The following IMPG2 variants were observed in gnomAD, a reference collection of about 807,000 sequenced individuals.
IMPG2 encodes the protein IPM 200.
IMPG2 carries 91 observed loss-of-function variants against 129.2 expected under a neutral mutation model. The observed-to-expected ratio is 0.70, with a 90% CI of 0.59 to 0.84. The LOEUF (loss-of-function observed/expected upper bound fraction) is 0.84. Ranked by LOEUF, IMPG2 falls within the 40% of genes least tolerant of loss-of-function variation. The pLI is 0.00. For missense variants in IMPG2, 1,430 were observed against 1,461.7 expected, an observed-to-expected ratio of 0.98 and a Z score of 0.35; for synonymous variants, 510 against 517.7, an observed-to-expected ratio of 0.99 and a Z score of 0.20.
At chr3:101,307,197 C>A (rs1158757452) in intron 2 of IMPG2, among the ~76,000 whole-genome samples, 1 of 152,110 alleles carries the variant, frequency 6.6e-6, no homozygotes, top group Non-Finnish European at 1.5e-5. Flanking sequence ...ACACACAAAC[C>A]AAGAATGACT....
chr3:101,307,069 C>T (rs892904893), intron 2 of IMPG2, among the ~76,000 whole-genome samples: 1 of 151,966 alleles, frequency 6.6e-6, no homozygotes, highest in Non-Finnish European at 1.5e-5. Flanking sequence ...CTAATTTTTA[C>T]AATAGGTAAA....
intron 7 of IMPG2, among the ~76,000 whole-genome samples, chr3:101,272,497 T>C (rs556840573): frequency 6.6e-6 from 1 of 152,332 alleles, no homozygotes; most frequent in East Asian, 1.9e-4. Flanking sequence ...TTTATTGGAC[T>C]TCTCTAAATC....
chr3:101,288,707 G>T (rs1462519828), intron 4 of IMPG2, among the ~76,000 whole-genome samples: 1 of 152,074 alleles, frequency 6.6e-6, no homozygotes, highest in African/African-American at 2.4e-5. Context: ...CTAGAAGGCG[G>T]GTAGGTGTGG....
At chr3:101,296,238 A>C (rs545013268) in intron 3 of IMPG2, among the ~76,000 whole-genome samples, 1 of 152,326 alleles carries the variant, frequency 6.6e-6, no homozygotes, top group South Asian at 2.1e-4. Context: ...GATATAGTCC[A>C]TCAATACCTA....
intron 12 of IMPG2, among the ~76,000 whole-genome samples, 162 bp from the exon 13 acceptor site, chr3:101,244,949 T>A (rs1238600229): frequency 1.3e-5 from 2 of 152,234 alleles, no homozygotes; most frequent in African/African-American, 2.4e-5. Flanking sequence ...GATCTGATCA[T>A]GTGTTTGCAA....
chr3:101,284,918 T>C (rs1706929405), intron 4 of IMPG2, among the ~76,000 whole-genome samples: 1 of 152,212 alleles, frequency 6.6e-6, no homozygotes, highest in African/African-American at 2.4e-5. Flanking sequence ...TGCTTTCTAA[T>C]AAACCACAAC....
At chr3:101,259,432 T>C (rs1051341110) in intron 9 of IMPG2, among the ~76,000 whole-genome samples, 1 of 152,032 alleles carries the variant, frequency 6.6e-6, no homozygotes, top group African/African-American at 2.4e-5. Context: ...TATATTCTTA[T>C]CTACTTCTTT....
intron 9 of IMPG2, among the ~76,000 whole-genome samples, chr3:101,265,561 A>C (rs1310292658): frequency 6.6e-6 from 1 of 152,204 alleles, no homozygotes; most frequent in African/African-American, 2.4e-5. Context: ...AAATAGATCA[A>C]AGACCTAAAT....
At chr3:101,256,196 AGAAAGAAAGAAAGAAAGAAAG>A (rs1706604247) in intron 10 of IMPG2, among the ~76,000 whole-genome samples, 2 of 151,154 alleles carry the variant, frequency 1.3e-5, no homozygotes, top group African/African-American at 4.9e-5. Context: ...AAAGAAAGAA[AGAAAGAAAGAAAGAAAGAAAG>A]AAAAAAATAT....
intron 4 of IMPG2, among the ~76,000 whole-genome samples, chr3:101,285,178 G>T (rs564458529): frequency 6.6e-6 from 1 of 152,186 alleles, no homozygotes; most frequent in Admixed American, 6.5e-5. Flanking sequence ...AGGGATGATG[G>T]TAGGGTTGGA....
At chr3:101,256,751 C>T (rs144742725) in intron 10 of IMPG2, among the ~76,000 whole-genome samples, 2 of 152,228 alleles carry the variant, frequency 1.3e-5, no homozygotes, top group East Asian at 3.9e-4. Flanking sequence ...CCCATGCTGT[C>T]ACTTCCATAA....
intron 15 of IMPG2, 119 bp downstream of exon 15, chr3:101,232,662 T>C (rs1706302082): frequency 1.2e-6 from 1 of 810,982 alleles, no homozygotes; most frequent in East Asian, 2.7e-5. Flanking sequence ...ATCTATTGCC[T>C]AGATATAACT....
intron 10 of IMPG2, among the ~76,000 whole-genome samples, chr3:101,256,200 AGAAAGAAAGAAAGAAAG>A (rs1706604650): frequency 2.6e-5 from 4 of 151,264 alleles, no homozygotes; most frequent in African/African-American, 9.7e-5. Flanking sequence ...AAAGAAAGAA[AGAAAGAAAGAAAGAAAG>A]AAAAAAATAT....
At chr3:101,256,469 T>A (rs760205935) in intron 10 of IMPG2, among the ~76,000 whole-genome samples, 10 of 152,140 alleles carry the variant, frequency 6.6e-5, no homozygotes, top group Admixed American at 1.3e-4. Context: ...TTGATTCCTA[T>A]GTTCTTCCCT....
chr3:101,225,151 C>T lies in IMPG2; in HGVS notation c.*1818G>A, dbSNP rs1449854052. ...TGAAAGTTTTATAAATAAAACTAAG[C>T]ACTTAGTAGTGACAAATATCATTAA... is the stretch of plus-strand genomic sequence containing the variant. On this transcript the variant is annotated 3_prime_UTR_variant, in exon 19 of 19. Transcript: ENST00000193391. 1 of 152,210 alleles carries T rather than the reference C, an allele frequency of 6.6e-6. No individual in the cohort carries two copies. Among genetic ancestry groups the T allele is most frequent in the African/African-American group, 2.4e-5 (1 of 41,462 alleles). The allele number at this position is 152,210 out of a possible 1,614,324, so 9.4% of individuals were successfully genotyped here. A position where few individuals can be genotyped will look rare whatever the true frequency, so the allele number is the denominator to read the frequency against.
At chr3:101,309,301 A>T (rs750538221) in intron 2 of IMPG2, among the ~76,000 whole-genome samples, 60 of 152,256 alleles carry the variant, frequency 3.9e-4, no homozygotes, top group Non-Finnish European at 6.0e-4. Flanking sequence ...TTGCTGTATT[A>T]GTCCATTCTC....
intron 3 of IMPG2, among the ~76,000 whole-genome samples, chr3:101,296,423 C>T (rs1055948368): frequency 6.6e-6 from 1 of 152,194 alleles, no homozygotes; most frequent in Non-Finnish European, 1.5e-5. Flanking sequence ...CCAGTTTGAT[C>T]GTGCTAGATA....
intron 3 of IMPG2, among the ~76,000 whole-genome samples, chr3:101,297,664 GT>G (rs1707094818): frequency 1.3e-5 from 2 of 152,190 alleles, no homozygotes; most frequent in Admixed American, 6.5e-5. Flanking sequence ...TTACCCAGGA[GT>G]CATTCAGGAG....
chr3:101,267,867 G>A (rs1455745092), intron 8 of IMPG2, among the ~76,000 whole-genome samples: 1 of 152,040 alleles, frequency 6.6e-6, no homozygotes, highest in Admixed American at 6.5e-5. Flanking sequence ...TCTTTTTTGG[G>A]ATACAACATG....
Sources: gnomAD v4.1 joint callset for allele counts (sites outside exome capture counted in the v4.1 genomes callset) on GRCh38, gnomAD v4.1.1 for gene constraint, MANE v1.5 for transcripts, NCBI Gene and HGNC (gene_info 2026-07-23, HGNC 2026-07-21) for gene names.